ERH: variants seen among roughly 807,000 people sequenced by gnomAD.
The protein encoded by ERH is ERH mRNA splicing and mitosis factor.
A neutral mutation model predicts 16.8 loss-of-function variants in ERH; 1 was observed. The ratio of observed to expected loss-of-function variants is 0.06; its 90% confidence interval spans 0.02 to 0.28. ERH has a LOEUF of 0.28. Ranked by LOEUF, ERH falls within the 10% of genes least tolerant of loss-of-function variation. The pLI is 1.00. For synonymous variants in ERH, 43 were observed against 43.6 expected, an observed-to-expected ratio of 0.99 and a Z score of 0.05; for missense variants, 42 against 127.5, an observed-to-expected ratio of 0.33 and a Z score of 3.23.
rs76135893 is a variant in ERH, at chr14:69,395,290, C to G, written c.4-378G>C. Among the ~76,000 whole-genome samples the G allele has an allele frequency of 9.2e-5, 14 of 152,006 alleles. No homozygotes were observed. In the East Asian group the frequency reaches 2.7e-3, roughly 29 times the overall value. ...ATTGCATCGGAGAGTGAGGCCCTAT[C>G]TCTTAAAAGAAAAAAAAAAGTCATT... is the stretch of plus-strand genomic sequence containing the variant. On this transcript the variant is annotated intron_variant, in intron 1 of 3. Transcript: ENST00000557016.
At chr14:69,384,471 C>A (rs1395354753) in intron 3 of ERH, among the ~76,000 whole-genome samples, 2 of 152,204 alleles carry the variant, frequency 1.3e-5, no homozygotes, top group East Asian at 3.8e-4. Flanking sequence ...TAGCTCTTAA[C>A]CACAGCCTCC....
chr14:69,394,989 G>T lies in ERH; in HGVS notation c.4-77C>A. 3.9e-6 allele frequency: 4 copies of T among 1,013,910 alleles called. No individual in the cohort carries two copies. The South Asian group carries it at 4.1e-5, about 10-fold the overall frequency. 62.8% of individuals were successfully genotyped at this position (1,013,910 alleles called of 1,614,324 possible). On this transcript the variant is annotated intron_variant, in intron 1 of 3. Transcript: ENST00000557016. Reference sequence around the variant, plus strand: ...GTATGATAAAAAAAAATCCCCATTTGTAATGCAATAATGATTGCTAGTTAT... The same window carrying T: ...GTATGATAAAAAAAAATCCCCATTTTTAATGCAATAATGATTGCTAGTTAT...
intron 1 of ERH, among the ~76,000 whole-genome samples, chr14:69,395,834 C>T (rs891549922): frequency 6.6e-6 from 1 of 152,172 alleles, no homozygotes; most frequent in African/African-American, 2.4e-5. Flanking sequence ...TAGAATCACA[C>T]AGAAAGTTAG....
At chr14:69,383,132 T>C (rs1421956607) in intron 3 of ERH, among the ~76,000 whole-genome samples, 1 of 152,212 alleles carries the variant, frequency 6.6e-6, no homozygotes, top group Non-Finnish European at 1.5e-5. Flanking sequence ...AAGGGCATTA[T>C]TTTCATCTTA....
At chr14:69,384,329 G>T (rs149143861) in intron 3 of ERH, among the ~76,000 whole-genome samples, 3 of 152,162 alleles carry the variant, frequency 2.0e-5, no homozygotes, top group Non-Finnish European at 2.9e-5. Flanking sequence ...GGAGTCTTAT[G>T]AACTAGATTT....
chr14:69,388,536 A>G (rs989557433), intron 2 of ERH, among the ~76,000 whole-genome samples: 1 of 151,916 alleles, frequency 6.6e-6, no homozygotes, highest in Non-Finnish European at 1.5e-5. Context: ...AACTTTTTGT[A>G]TTTTTAGTAG....
At chr14:69,394,980 T>A in intron 1 of ERH, 68 bp from the exon 2 acceptor site, 3 of 1,074,910 alleles carry the variant, frequency 2.8e-6, no homozygotes, top group South Asian at 1.4e-5. Context: ...TAAAAAAAAA[T>A]CCCCATTTGT....
At position 69,381,938 on chromosome 14, in the gene ERH, G is replaced by A. The variant is rs181059184; in HGVS notation, c.213-1298C>T. ...CTCCTGACCCTCAAGTGATCCAGCC[G>A]CCTCGGCCGCCCAAAGTGCTGGGAT... On this transcript the variant is annotated intron_variant, in intron 3 of 3. Coordinates refer to ENST00000557016, the MANE Select transcript of ERH (RefSeq NM_004450.3). Among the ~76,000 whole-genome samples, 367 of 152,284 alleles carry A rather than the reference G, an allele frequency of 2.4e-3. 2 individuals carry two copies. Among genetic ancestry groups the A allele is most frequent in the African/African-American group, 8.5e-3 (353 of 41,568 alleles).
intron 3 of ERH, among the ~76,000 whole-genome samples, chr14:69,383,581 A>G (rs2045875212): frequency 6.6e-6 from 1 of 152,268 alleles, no homozygotes; most frequent in Admixed American, 6.5e-5. Context: ...TTTGATTCTG[A>G]AAGTTTTTCA....
chr14:69,383,857 G>A (rs1464547438), intron 3 of ERH, among the ~76,000 whole-genome samples: 13 of 152,146 alleles, frequency 8.5e-5, no homozygotes, highest in African/African-American at 4.8e-5. Flanking sequence ...ACATTTTAAA[G>A]TCTAATGCAG....
chr14:69,381,097 C>T (rs1478187108), intron 3 of ERH, among the ~76,000 whole-genome samples: 1 of 152,158 alleles, frequency 6.6e-6, no homozygotes, highest in Non-Finnish European at 1.5e-5. Flanking sequence ...GCCTGGCCAA[C>T]ATGGTGAAAC....
intron 2 of ERH, among the ~76,000 whole-genome samples, chr14:69,390,841 T>C (rs565291480): frequency 3.3e-5 from 5 of 152,176 alleles, no homozygotes; most frequent in Non-Finnish European, 7.4e-5. Context: ...CAATGAAAAA[T>C]AGGCAGAAGA....
chr14:69,390,360 G>A (rs1396790754), intron 2 of ERH, among the ~76,000 whole-genome samples: 3 of 152,188 alleles, frequency 2.0e-5, no homozygotes, highest in Non-Finnish European at 2.9e-5. Context: ...CATCAGGATA[G>A]GTATCTACAT....
chr14:69,385,580 A>T (rs913739135), intron 3 of ERH, among the ~76,000 whole-genome samples: 2 of 151,998 alleles, frequency 1.3e-5, no homozygotes, highest in Non-Finnish European at 2.9e-5. Context: ...CTTAAAAAAA[A>T]GCAATTTCTT....
At chr14:69,381,108 C>T (rs2045860862) in intron 3 of ERH, among the ~76,000 whole-genome samples, 1 of 152,110 alleles carries the variant, frequency 6.6e-6, no homozygotes, top group Non-Finnish European at 1.5e-5. Flanking sequence ...ATGGTGAAAC[C>T]TTGTCTCTAC....
In ERH at chr14:69,397,655, A is replaced by T. The variant is rs568702722; in HGVS notation, c.3+576T>A. 5.7e-4 allele frequency among the ~76,000 whole-genome samples: 87 copies of T among 152,278 alleles called. 1 individual carries two copies. Among genetic ancestry groups the T allele is most frequent in the African/African-American group, 2.0e-3 (84 of 41,570 alleles). On this transcript the variant is annotated intron_variant, in intron 1 of 3. Transcript: ENST00000557016. Reference sequence around the variant, plus strand: ...CATATCCGGCAGGGCCCGGTGGCTCACGCCTGTAATCCCAGCACTTTGGGA... The same window carrying T: ...CATATCCGGCAGGGCCCGGTGGCTCTCGCCTGTAATCCCAGCACTTTGGGA...
At chr14:69,394,681 T>C (rs1454836534) in intron 2 of ERH, 144 bp downstream of exon 2, 2 of 559,320 alleles carry the variant, frequency 3.6e-6, no homozygotes, top group South Asian at 2.4e-5. Flanking sequence ...CTCCTAAAAT[T>C]AGCAATTCAA....
At chr14:69,397,685 G>A (rs1246959465) in intron 1 of ERH, among the ~76,000 whole-genome samples, 3 of 152,144 alleles carry the variant, frequency 2.0e-5, no homozygotes, top group East Asian at 1.9e-4. Flanking sequence ...TTGGGATGCC[G>A]AGGCGGGTGG....
intron 2 of ERH, among the ~76,000 whole-genome samples, chr14:69,389,704 T>G (rs1402230842): frequency 6.6e-6 from 1 of 152,076 alleles, no homozygotes; most frequent in Admixed American, 6.6e-5. Context: ...AGAATAAAAT[T>G]CTTAGAAATA....
Sources: gnomAD v4.1 joint callset for allele counts (sites outside exome capture counted in the v4.1 genomes callset) on GRCh38, gnomAD v4.1.1 for gene constraint, MANE v1.5 for transcripts, NCBI Gene and HGNC (gene_info 2026-07-23, HGNC 2026-07-21) for gene names.